AMBRA1: variants seen among roughly 807,000 people sequenced by gnomAD.
AMBRA1 encodes activating molecule in BECN1-regulated autophagy protein 1.
A neutral mutation model predicts 125.4 loss-of-function variants in AMBRA1; 47 were observed. That is an observed-to-expected ratio of 0.37 (90% CI 0.30 to 0.48). The LOEUF (loss-of-function observed/expected upper bound fraction) is 0.48, where lower values mean the gene tolerates loss of function less well. Ranked by LOEUF, AMBRA1 falls within the 20% of genes least tolerant of loss-of-function variation. The probability of loss-of-function intolerance (pLI) is 0.99; values close to 1 mark genes in which losing one functional copy is unlikely to be tolerated. For missense variants in AMBRA1, 1,331 were observed against 1,693.4 expected (o/e 0.79, Z 3.76); for synonymous variants, 626 against 655.5 (o/e 0.95, Z 0.69).
chr11:46,403,248 CAGAG>C (rs1455870793), intron 17 of AMBRA1, among the ~76,000 whole-genome samples: 1 of 152,172 alleles, frequency 6.6e-6, no homozygotes, highest in Non-Finnish European at 1.5e-5. Flanking sequence ...AACTGAGGCT[CAGAG>C]AGTCACAGGA....
chr11:46,591,585 G>A (rs1286955668), intron 1 of AMBRA1, among the ~76,000 whole-genome samples: 3 of 152,092 alleles, frequency 2.0e-5, no homozygotes, highest in Admixed American at 1.3e-4. Flanking sequence ...AGCCGGGCGC[G>A]GTGGCTCATA....
chr11:46,548,924 G>T (rs2042905996), intron 1 of AMBRA1: 1 of 152,580 alleles, frequency 6.6e-6, no homozygotes, highest in Admixed American at 6.5e-5. Context: ...CCAGGACGCA[G>T]AAGTTGCAGA....
At chr11:46,410,567 C>T (rs370242228) in intron 15 of AMBRA1, among the ~76,000 whole-genome samples, 199 bp from the exon 16 acceptor site, 3 of 152,290 alleles carry the variant, frequency 2.0e-5, no homozygotes, top group South Asian at 2.1e-4. Flanking sequence ...TCTCTAATAG[C>T]CTAAATGCCT....
rs565067610 is a variant in AMBRA1 at position 46,575,750 on chromosome 11, C to T, written c.-121+18078G>A. Among the ~76,000 whole-genome samples the T allele has an allele frequency of 7.9e-5, 12 of 152,162 alleles. No homozygotes were observed. The South Asian group carries it at 2.5e-3, about 32-fold the overall frequency. ...CAGGCTGGTCTCGAACTCCTGACCT[C>T]GTGATCTGCCTGCCACGGCATCCCA... is the stretch of plus-strand genomic sequence containing the variant. On this transcript the variant is annotated intron_variant, in intron 1 of 17. Coordinates refer to ENST00000683756, the MANE Select transcript of AMBRA1 (RefSeq NM_001387011.1).
intron 16 of AMBRA1, among the ~76,000 whole-genome samples, chr11:46,410,044 G>C (rs1338780444): frequency 6.6e-6 from 1 of 152,262 alleles, no homozygotes; most frequent in Non-Finnish European, 1.5e-5. Context: ...GCCAGGATGG[G>C]AGAGGGCCAG....
chr11:46,524,926 C>T (rs1951903434), intron 7 of AMBRA1, among the ~76,000 whole-genome samples: 1 of 152,258 alleles, frequency 6.6e-6, no homozygotes, highest in African/African-American at 2.4e-5. Flanking sequence ...ATCTACCAAT[C>T]TATGTGTTGG....
At chr11:46,568,893 G>A (rs569290709) in intron 1 of AMBRA1, among the ~76,000 whole-genome samples, 3 of 127,472 alleles carry the variant, frequency 2.4e-5, no homozygotes, top group East Asian at 2.6e-4. Context: ...TGCAACCTCC[G>A]CCTCCCAGGT....
intron 13 of AMBRA1, 95 bp from the exon 14 acceptor site, chr11:46,433,723 C>T (rs912442409): frequency 7.6e-7 from 1 of 1,308,722 alleles, no homozygotes; most frequent in African/African-American, 1.5e-5. Context: ...CTCTAATCTT[C>T]ATATTCACTT....
At chr11:46,438,838 T>C (rs750310075) in intron 12 of AMBRA1, among the ~76,000 whole-genome samples, 4 of 152,222 alleles carry the variant, frequency 2.6e-5, no homozygotes, top group Non-Finnish European at 5.9e-5. Context: ...AAATTATTTA[T>C]GCATGAGGCC....
intron 1 of AMBRA1, among the ~76,000 whole-genome samples, chr11:46,568,588 CAG>C (rs930357228): frequency 2.0e-5 from 3 of 151,730 alleles, no homozygotes; most frequent in African/African-American, 4.8e-5. Flanking sequence ...GCCTGACCAA[CAG>C]AGACACCCCA....
chr11:46,484,605 G>A (rs999480435), intron 11 of AMBRA1, among the ~76,000 whole-genome samples: 2 of 151,580 alleles, frequency 1.3e-5, no homozygotes, highest in Admixed American at 6.6e-5. Flanking sequence ...CAGTGTATAC[G>A]CATTCCCTTT....
intron 9 of AMBRA1, among the ~76,000 whole-genome samples, chr11:46,506,688 T>C (rs188259996): frequency 1.5e-4 from 23 of 152,300 alleles, no homozygotes; most frequent in African/African-American, 5.3e-4. Flanking sequence ...AAATAATGCT[T>C]AACCGCCCTT....
chr11:46,575,483 T>A (rs1404542241), intron 1 of AMBRA1, among the ~76,000 whole-genome samples: 1 of 144,580 alleles, frequency 6.9e-6, no homozygotes. Flanking sequence ...AGGTAGCTTA[T>A]AAACAACAGA....
In AMBRA1 at chr11:46,399,025, C is replaced by T. The variant is rs576516711; in HGVS notation, c.3404-1082G>A. On this transcript the variant is annotated intron_variant, in intron 17 of 17. Coordinates refer to ENST00000683756, the MANE Select transcript of AMBRA1 (RefSeq NM_001387011.1). ...CTGACCTCAGGTGATCCACCCTCCTCGGCCTCCCAAAGTGCTAGGATTACA... is the reference window on the plus strand; with the variant it reads ...CTGACCTCAGGTGATCCACCCTCCTTGGCCTCCCAAAGTGCTAGGATTACA... Among the ~76,000 whole-genome samples the T allele has an allele frequency of 1.1e-4, 17 of 152,162 alleles. No individual in the cohort carries two copies. In the East Asian group the frequency reaches 2.5e-3, roughly 23 times the overall value.
intron 16 of AMBRA1, among the ~76,000 whole-genome samples, chr11:46,409,590 C>G (rs1380050208): frequency 6.6e-6 from 1 of 152,188 alleles, no homozygotes; most frequent in South Asian, 2.1e-4. Context: ...GGCTGTCCTA[C>G]AAGGAAGGTT....
At position 46,537,618 on chromosome 11, in the gene AMBRA1, A is replaced by C. The variant is rs115301577; in HGVS notation, c.2072+4327T>G. Among the ~76,000 whole-genome samples the C allele has an allele frequency of 4.2e-3, 640 of 152,320 alleles. 3 individuals carry two copies. Among genetic ancestry groups the C allele is most frequent in the African/African-American group, 0.013 (538 of 41,572 alleles). ...AGCAAAGGCCCACCACTCAAGTTGC[A>C]ATGTAGCGTCAGACTATTATAAAAA... On this transcript the variant is annotated intron_variant, in intron 7 of 17. Coordinates refer to ENST00000683756, the MANE Select transcript of AMBRA1 (RefSeq NM_001387011.1).
At chr11:46,578,842 C>A (rs1391183805) in intron 1 of AMBRA1, among the ~76,000 whole-genome samples, 10 of 119,626 alleles carry the variant, frequency 8.4e-5, no homozygotes, top group African/African-American at 3.3e-4. Context: ...GATTGCACCA[C>A]TGCATGCACT....
chr11:46,545,536 C>T, intron 5 of AMBRA1, 68 bp downstream of exon 5: 2 of 1,539,728 alleles, frequency 1.3e-6, no homozygotes, highest in Non-Finnish European at 1.8e-6. Context: ...TCCAAGGTGA[C>T]AGCCAGTAGA....
At chr11:46,504,319 A>G (rs1049800360) in intron 9 of AMBRA1, among the ~76,000 whole-genome samples, 3 of 152,240 alleles carry the variant, frequency 2.0e-5, no homozygotes, top group Non-Finnish European at 4.4e-5. Context: ...ACTACGGGCC[A>G]TAGCACTTAA....
Sources: gnomAD v4.1 joint callset for allele counts (sites outside exome capture counted in the v4.1 genomes callset) on GRCh38, gnomAD v4.1.1 for gene constraint, MANE v1.5 for transcripts, NCBI Gene and HGNC (gene_info 2026-07-23, HGNC 2026-07-21) for gene names.